Variants in CDH4 observed in about 807,000 individuals in gnomAD.
CDH4 encodes cadherin 4, also known as cadherin-4.
CDH4 carries 33 observed loss-of-function variants against 86.0 expected under a neutral mutation model. The observed-to-expected ratio is 0.38, with a 90% CI of 0.29 to 0.51. CDH4 has a LOEUF of 0.51. Among genes scored for constraint, CDH4 ranks in the 20% least tolerant of loss-of-function variants. The probability of loss-of-function intolerance (pLI) is 0.86; values close to 1 mark genes in which losing one functional copy is unlikely to be tolerated. For missense variants in CDH4, 1,114 were observed against 1,307.4 expected (o/e 0.85, Z 2.28); for synonymous variants, 555 against 549.4 (o/e 1.01, Z -0.14).
chr20:61,773,292 C>A, intron 4 of CDH4, 110 bp downstream of exon 4: 3 of 1,052,576 alleles, frequency 2.9e-6, no homozygotes, highest in South Asian at 1.8e-5. Context: ...CTGAGAAGGT[C>A]GCGATTTCAC....
At chr20:61,804,155 G>A (rs866455408) in intron 4 of CDH4, among the ~76,000 whole-genome samples, 3 of 152,212 alleles carry the variant, frequency 2.0e-5, no homozygotes, top group Non-Finnish European at 1.5e-5. Context: ...GCAGGATGTC[G>A]GTCCTGCCTG....
chr20:61,554,883 C>T (rs2086164103), intron 2 of CDH4, among the ~76,000 whole-genome samples: 1 of 129,530 alleles, frequency 7.7e-6, no homozygotes, highest in African/African-American at 3.4e-5. Context: ...TGAGTAAGCT[C>T]ACGTTTTACA....
Position 61,589,430 on chromosome 20 carries a change from A to G in CDH4, c.170-154133A>G, listed in dbSNP as rs188222975. On this transcript the variant is annotated intron_variant, in intron 2 of 15. Coordinates refer to ENST00000614565, the MANE Select transcript of CDH4 (RefSeq NM_001794.5). Reference sequence around the variant, plus strand: ...GATCGAGCTGGCTTTGTTTTACTCCACTTCACTTTGTTTCTAATGTGTAAA... The same window carrying G: ...GATCGAGCTGGCTTTGTTTTACTCCGCTTCACTTTGTTTCTAATGTGTAAA... Among the ~76,000 whole-genome samples the G allele has an allele frequency of 1.7e-3, 256 of 152,306 alleles. 1 individual carries two copies. Among genetic ancestry groups the G allele is most frequent in the Admixed American group, 4.5e-3 (69 of 15,304 alleles).
chr20:61,853,932 C>G (rs1982862864), intron 6 of CDH4, among the ~76,000 whole-genome samples: 1 of 152,134 alleles, frequency 6.6e-6, no homozygotes, highest in Non-Finnish European at 1.5e-5. Context: ...CCCTAAAGTA[C>G]AAGACACCAA....
chr20:61,777,771 C>G lies in CDH4; in HGVS notation c.576+4589C>G, dbSNP rs1388373999. ...ACCCACATGCGCACACACGTGCATA[C>G]AAAAACACACATCCACATGCGCACA... On this transcript the variant is annotated intron_variant, in intron 4 of 15. Coordinates refer to ENST00000614565, the MANE Select transcript of CDH4 (RefSeq NM_001794.5). 4.7e-5 allele frequency among the ~76,000 whole-genome samples: 7 copies of G among 149,990 alleles called. 1 individual carries two copies. The highest frequency in any genetic ancestry group is 1.3e-4 in the Admixed American group (2 of 15,074).
At chr20:61,322,268 C>T (rs1040563148) in intron 2 of CDH4, among the ~76,000 whole-genome samples, 2 of 152,216 alleles carry the variant, frequency 1.3e-5, no homozygotes, top group Admixed American at 1.3e-4. Context: ...CCCACATACA[C>T]AGGAGAGGGG....
chr20:61,383,337 T>TGATATATATGAATATATATG lies in CDH4; in HGVS notation c.169+128438_169+128457dup, dbSNP rs1320506140. Reference sequence around the variant, plus strand: ...TATATGTGATATATATGAATATATGTGATATATATGAATATATATGGATAT... The same window carrying TGATATATATGAATATATATG: ...TATATGTGATATATATGAATATATGTGATATATATGAATATATATGGATATATATGAATATATATGGATAT... On this transcript the variant is annotated intron_variant, in intron 2 of 15. Transcript: ENST00000614565. Among the ~76,000 whole-genome samples, 41 of 49,348 alleles carry TGATATATATGAATATATATG rather than the reference T, an allele frequency of 8.3e-4. 1 individual carries two copies. Among genetic ancestry groups the TGATATATATGAATATATATG allele is most frequent in the East Asian group, 3.2e-3 (4 of 1,268 alleles). 32.4% of individuals were successfully genotyped at this position (49,348 alleles called of 152,430 possible).
At chr20:61,511,189 C>A (rs1403871259) in intron 2 of CDH4, among the ~76,000 whole-genome samples, 1 of 152,214 alleles carries the variant, frequency 6.6e-6, no homozygotes, top group African/African-American at 2.4e-5. Context: ...CAGGGCGGGA[C>A]CGTGTTATCC....
chr20:61,326,784 G>A (rs1416222884), intron 2 of CDH4, among the ~76,000 whole-genome samples: 4 of 152,264 alleles, frequency 2.6e-5, no homozygotes, highest in African/African-American at 9.6e-5. Context: ...TTCCTTGGAG[G>A]AAAAATGTAT....
At position 61,681,900 on chromosome 20, in the gene CDH4, C is replaced by T. The variant is rs2087519262; in HGVS notation, c.170-61663C>T. On this transcript the variant is annotated intron_variant, in intron 2 of 15. Coordinates refer to ENST00000614565, the MANE Select transcript of CDH4 (RefSeq NM_001794.5). This position sits in a 1 kb window ranked among gnomAD's most constrained non-coding sequence, Gnocchi z 4.5. Reference sequence around the variant, plus strand: ...GGTTCAGCAGAAAATGACGTGATGCCAAGGCCAGGGCTGTGAACTTGCAGG... The same window carrying T: ...GGTTCAGCAGAAAATGACGTGATGCTAAGGCCAGGGCTGTGAACTTGCAGG... 1.3e-5 allele frequency among the ~76,000 whole-genome samples: 2 copies of T among 152,338 alleles called. No homozygotes were observed. The highest frequency in any genetic ancestry group is 4.8e-5 in the African/African-American group (2 of 41,580).
intron 2 of CDH4, among the ~76,000 whole-genome samples, chr20:61,605,333 C>G (rs1426652997): frequency 6.6e-6 from 1 of 151,486 alleles, no homozygotes; most frequent in African/African-American, 2.4e-5. Context: ...GCCTCTCTCT[C>G]TCTGTGTGTC....
At chr20:61,683,970 C>A (rs577028412) in intron 2 of CDH4, among the ~76,000 whole-genome samples, 1 of 152,334 alleles carries the variant, frequency 6.6e-6, no homozygotes, top group East Asian at 1.9e-4. Flanking sequence ...AGCCCCATCA[C>A]AACCACATCA....
Position 61,933,021 on chromosome 20 carries a change from G to T in CDH4, c.2276G>T (p.Arg759Leu). The change falls in exon 14 of 16, where the codon CGA (arginine) becomes CTA (leucine). Residue 759 changes from arginine (R) to leucine (L), a missense_variant. By Grantham distance (102) the Arg-to-Leu change is moderately radical. Around this residue, in one of 3 missense-constraint regions of CDH4, gnomAD observed 705 missense variants for 914.1 expected, o/e 0.77. Transcript: ENST00000614565. ...VLLFVMWMKRREKERHTKQLL... is the reference protein window; with the variant it reads ...VLLFVMWMKRLEKERHTKQLL... Reference sequence around the variant, plus strand: ...CTGTTTGTCATGTGGATGAAGCGGCGAGAGAAGGAGCGCCACACGAAGCAG... The same window carrying T: ...CTGTTTGTCATGTGGATGAAGCGGCTAGAGAAGGAGCGCCACACGAAGCAG... 6.2e-7 allele frequency: 1 copy of T among 1,613,308 alleles called. No individual in the cohort carries two copies. Among genetic ancestry groups the T allele is most frequent in the South Asian group, 1.1e-5 (1 of 91,078 alleles).
chr20:61,910,501 C>T lies in CDH4; in HGVS notation c.1268C>T (p.Ser423Phe). The change falls in exon 9 of 16, where the codon TCT (serine) becomes TTT (phenylalanine). Residue 423 changes from serine (S) to phenylalanine (F), a missense_variant. By Grantham distance (155) the Ser-to-Phe change is radical. Coordinates refer to ENST00000614565, the MANE Select transcript of CDH4 (RefSeq NM_001794.5). ...GTGATGGACCGAGATCAGCCCCACT[C>T]TCCAAACTGGAATGCCGTTTACCGC... ...LTVMDRDQPH[S>F]PNWNAVYRII... is the part of the protein sequence containing the mutation. The T allele has an allele frequency of 6.8e-6, 11 of 1,614,048 alleles. No homozygotes were observed. The highest frequency in any genetic ancestry group is 9.3e-6 in the Non-Finnish European group (11 of 1,180,030).
chr20:61,282,937 T>C (rs545586547), intron 2 of CDH4, among the ~76,000 whole-genome samples: 1,634 of 51,040 alleles, frequency 0.032, 89 homozygotes, highest in African/African-American at 0.049. Flanking sequence ...TTTGCACGCG[T>C]GTGCTGTGGC....
intron 2 of CDH4, among the ~76,000 whole-genome samples, chr20:61,403,259 C>T (rs1016319670): frequency 3.9e-5 from 6 of 152,232 alleles, no homozygotes; most frequent in South Asian, 2.1e-4. Flanking sequence ...CTATCATCCT[C>T]CTGCATTGCC....
intron 2 of CDH4, among the ~76,000 whole-genome samples, chr20:61,444,053 T>C (rs2085328741): frequency 3.9e-5 from 1 of 25,672 alleles, no homozygotes; most frequent in Non-Finnish European, 7.4e-5. Flanking sequence ...TGGATATCTC[T>C]GGTTGTCTGT....
intron 4 of CDH4, among the ~76,000 whole-genome samples, chr20:61,785,681 C>G (rs1284185766): frequency 1.3e-5 from 2 of 152,078 alleles, no homozygotes; most frequent in African/African-American, 4.8e-5. Context: ...GTGCAGGGCT[C>G]CTACCCAGGT....
In CDH4 at chr20:61,454,127, G is replaced by C. The variant is rs76766757; in HGVS notation, c.169+199190G>C. 4.7e-4 allele frequency among the ~76,000 whole-genome samples: 72 copies of C among 152,330 alleles called. 1 individual carries two copies. The East Asian group carries it at 0.014, about 29-fold the overall frequency. ...TAACACATGGCCATCCTGGTGACCT[G>C]TGTGCACTCTGATGAAATTCCGCAG... On this transcript the variant is annotated intron_variant, in intron 2 of 15. Transcript: ENST00000614565.
Sources: gnomAD v4.1 joint callset for allele counts (sites outside exome capture counted in the v4.1 genomes callset) on GRCh38, gnomAD v4.1.1 for gene constraint, gnomAD v4.1.1 regional missense constraint, Gnocchi (gnomAD v3.1) non-coding constraint, MANE v1.5 for transcripts, NCBI Gene and HGNC (gene_info 2026-07-23, HGNC 2026-07-21) for gene names.